Variants in EPHA3 observed in about 807,000 individuals in gnomAD.
EPHA3 encodes ephrin type-A receptor 3.
Under a neutral mutation model 107.1 loss-of-function variants are expected in EPHA3, and 42 were observed. That is an observed-to-expected ratio of 0.39 (90% CI 0.31 to 0.51). The LOEUF is 0.51. EPHA3 is among the 20% of genes least tolerant of loss of function. The probability of loss-of-function intolerance (pLI) is 0.78; values close to 1 mark genes in which losing one functional copy is unlikely to be tolerated. For synonymous variants in EPHA3, 461 were observed against 424.8 expected, an observed-to-expected ratio of 1.09 and a Z score of -1.05; for missense variants, 1,183 against 1,211.2, an observed-to-expected ratio of 0.98 and a Z score of 0.35.
intron 3 of EPHA3, among the ~76,000 whole-genome samples, chr3:89,336,175 AT>A (rs1484245962): frequency 6.6e-6 from 1 of 152,206 alleles, no homozygotes; most frequent in Non-Finnish European, 1.5e-5. Flanking sequence ...TCCTACTTTT[AT>A]TCTCTTATAT....
intron 3 of EPHA3, among the ~76,000 whole-genome samples, chr3:89,335,589 T>C (rs954645042): frequency 6.6e-6 from 1 of 152,206 alleles, no homozygotes; most frequent in African/African-American, 2.4e-5. Flanking sequence ...TAGTAAGGCT[T>C]GAGAAGGTGC....
chr3:89,263,384 G>A lies in EPHA3; in HGVS notation c.814+52864G>A, dbSNP rs1443154231. Among the ~76,000 whole-genome samples the A allele has an allele frequency of 2.0e-5, 3 of 152,194 alleles. No homozygotes were observed. In the East Asian group the frequency reaches 5.8e-4, roughly 29 times the overall value. Reference sequence around the variant, plus strand: ...CCACCAGCAAGGGCAAAAGGCCAGTGTGATAGGCTTTTGTATCCACACTTG... The same window carrying A: ...CCACCAGCAAGGGCAAAAGGCCAGTATGATAGGCTTTTGTATCCACACTTG... On this transcript the variant is annotated intron_variant, in intron 3 of 16. Transcript: ENST00000336596.
intron 1 of EPHA3, among the ~76,000 whole-genome samples, chr3:89,115,682 C>T (rs1487231770): frequency 2.6e-5 from 4 of 152,180 alleles, no homozygotes; most frequent in Non-Finnish European, 5.9e-5. Flanking sequence ...TCATTCACGA[C>T]TTACTGAACC....
At chr3:89,159,286 T>A (rs1393831657) in intron 2 of EPHA3, among the ~76,000 whole-genome samples, 8 of 152,234 alleles carry the variant, frequency 5.3e-5, no homozygotes, top group Middle Eastern at 3.4e-3. Context: ...GAGCTCTTAG[T>A]TGTAAGCATT....
chr3:89,261,722 TC>T (rs796364211), intron 3 of EPHA3, among the ~76,000 whole-genome samples: 33 of 152,216 alleles, frequency 2.2e-4, no homozygotes, highest in African/African-American at 7.7e-4. Flanking sequence ...AGATACGCAC[TC>T]ATTTATAACT....
At chr3:89,310,775 C>G (rs1706746178) in intron 3 of EPHA3, among the ~76,000 whole-genome samples, 1 of 152,004 alleles carries the variant, frequency 6.6e-6, no homozygotes, top group East Asian at 1.9e-4. Flanking sequence ...GACTTGTCAT[C>G]TGTTTAACTA....
At chr3:89,271,757 A>G (rs1422308360) in intron 3 of EPHA3, among the ~76,000 whole-genome samples, 1 of 152,010 alleles carries the variant, frequency 6.6e-6, no homozygotes, top group East Asian at 1.9e-4. Flanking sequence ...CCAGGAAGAA[A>G]AAGAAATTAC....
At chr3:89,107,934 C>A in intron 1 of EPHA3, 98 bp downstream of exon 1, 1 of 1,140,476 alleles carries the variant, frequency 8.8e-7, no homozygotes, top group Non-Finnish European at 1.3e-6. Context: ...GAAGGTGCCT[C>A]CGAATAGAGC....
At chr3:89,387,214 C>T (rs1375289841) in intron 5 of EPHA3, among the ~76,000 whole-genome samples, 11 of 152,144 alleles carry the variant, frequency 7.2e-5, no homozygotes, top group Admixed American at 7.2e-4. Flanking sequence ...ACCCAAATCT[C>T]ATCTTGTATT....
At chr3:89,197,537 A>T (rs537236979) in intron 2 of EPHA3, among the ~76,000 whole-genome samples, 1 of 152,322 alleles carries the variant, frequency 6.6e-6, no homozygotes, top group African/African-American at 2.4e-5. Flanking sequence ...TTTAAAAAAG[A>T]TAATAGTGAA....
At chr3:89,252,811 T>G (rs1462259568) in intron 3 of EPHA3, among the ~76,000 whole-genome samples, 1 of 150,936 alleles carries the variant, frequency 6.6e-6, no homozygotes, top group African/African-American at 2.4e-5. Flanking sequence ...TGCAGGGAGT[T>G]TATTGTTCAT....
intron 2 of EPHA3, among the ~76,000 whole-genome samples, chr3:89,155,927 A>G (rs1704795568): frequency 6.6e-6 from 1 of 152,038 alleles, no homozygotes; most frequent in African/African-American, 2.4e-5. Flanking sequence ...TTCTTTCAAC[A>G]TGAGAAAACA....
intron 3 of EPHA3, among the ~76,000 whole-genome samples, chr3:89,215,314 A>G (rs1033312076): frequency 6.6e-6 from 1 of 151,922 alleles, no homozygotes; most frequent in African/African-American, 2.4e-5. Context: ...CTATCTAAAA[A>G]GTAGTTAAAG....
intron 10 of EPHA3, among the ~76,000 whole-genome samples, chr3:89,417,974 A>T (rs140180356): frequency 1.3e-5 from 2 of 151,396 alleles, no homozygotes; most frequent in African/African-American, 4.8e-5. Flanking sequence ...CCAGGGAGAG[A>T]GACACCATTT....
At chr3:89,301,274 C>A (rs1706482471) in intron 3 of EPHA3, among the ~76,000 whole-genome samples, 1 of 151,896 alleles carries the variant, frequency 6.6e-6, no homozygotes, top group Non-Finnish European at 1.5e-5. Context: ...AATGTACAGC[C>A]TTCTCAATCT....
chr3:89,211,124 G>A (rs11920405), intron 3 of EPHA3, among the ~76,000 whole-genome samples: 1,947 of 152,158 alleles, frequency 0.013, 44 homozygotes, highest in African/African-American at 0.043. Context: ...TTTGCACCAT[G>A]ATTTGGCTCG....
At chr3:89,187,513 G>A (rs1371546815) in intron 2 of EPHA3, among the ~76,000 whole-genome samples, 1 of 151,292 alleles carries the variant, frequency 6.6e-6, no homozygotes, top group Non-Finnish European at 1.5e-5. Flanking sequence ...TATTGAATAA[G>A]ACAAATGCTA....
intron 7 of EPHA3, among the ~76,000 whole-genome samples, chr3:89,401,026 ATAGT>A (rs1376482046): frequency 7.2e-5 from 11 of 152,110 alleles, no homozygotes; most frequent in Admixed American, 3.3e-4. Flanking sequence ...CATTTTCTAG[ATAGT>A]TAGTTCCTGA....
intron 16 of EPHA3, among the ~76,000 whole-genome samples, chr3:89,475,736 A>G (rs893710231): frequency 6.6e-6 from 1 of 152,190 alleles, no homozygotes; most frequent in Non-Finnish European, 1.5e-5. Context: ...CTTGGATGCC[A>G]TTTTCAAAGT....
Sources: allele counts gnomAD v4.1 joint callset (sites outside exome capture counted in the v4.1 genomes callset), GRCh38; gene constraint gnomAD v4.1.1; transcripts MANE v1.5; gene names NCBI Gene and HGNC (gene_info 2026-07-23, HGNC 2026-07-21).